Variants in ZWILCH observed in about 807,000 individuals in gnomAD.
ZWILCH encodes the protein protein zwilch homolog.
Under a neutral mutation model 79.9 loss-of-function variants are expected in ZWILCH, and 74 were observed. That is an observed-to-expected ratio of 0.93 (90% CI 0.77 to 1.12). The LOEUF (loss-of-function observed/expected upper bound fraction) is 1.12, where lower values mean the gene tolerates loss of function less well. Ranked by LOEUF, ZWILCH falls within the 50% of genes most tolerant of loss-of-function variation. ZWILCH has a pLI of 0.00. For missense variants in ZWILCH, 694 were observed against 687.5 expected (o/e 1.01, Z -0.11); for synonymous variants, 241 against 228.2 (o/e 1.06, Z -0.51).
At chr15:66,533,539 A>G (rs1005427494) in intron 14 of ZWILCH, among the ~76,000 whole-genome samples, 3 of 152,216 alleles carry the variant, frequency 2.0e-5, no homozygotes, top group Non-Finnish European at 4.4e-5. Flanking sequence ...AAATGAATTT[A>G]TAGTATCAAT....
chr15:66,517,449 T>TAC, intron 4 of ZWILCH, among the ~76,000 whole-genome samples: 1 of 138,022 alleles, frequency 7.2e-6, no homozygotes, highest in Non-Finnish European at 1.6e-5. Flanking sequence ...TATATATATA[T>TAC]ATATATAGTA....
At chr15:66,521,398 A>G (rs909960104) in intron 7 of ZWILCH, among the ~76,000 whole-genome samples, 193 bp downstream of exon 7, 1 of 152,182 alleles carries the variant, frequency 6.6e-6, no homozygotes, top group Non-Finnish European at 1.5e-5. Context: ...GATCTGATCT[A>G]TCAGTTGCCC....
chr15:66,544,725 TGTGTGTGTGTGTG>T (rs1895312061), intron 17 of ZWILCH, among the ~76,000 whole-genome samples: 1 of 10,302 alleles, frequency 9.7e-5, no homozygotes, highest in Non-Finnish European at 1.8e-4. Flanking sequence ...TTTTGGTTTT[TGTGTGTGTGTGTG>T]TGTGTGTGTG....
At chr15:66,540,234 C>T in intron 17 of ZWILCH, 24 bp downstream of exon 17, 1 of 1,544,224 alleles carries the variant, frequency 6.5e-7, no homozygotes, top group Middle Eastern at 1.7e-4. Flanking sequence ...ATAATCTGTT[C>T]AGATAAATAA....
At chr15:66,517,442 A>G (rs899702821) in intron 4 of ZWILCH, among the ~76,000 whole-genome samples, 25 of 118,626 alleles carry the variant, frequency 2.1e-4, no homozygotes, top group East Asian at 1.3e-3. Flanking sequence ...ATATATATAT[A>G]TATATATATA....
intron 1 of ZWILCH, among the ~76,000 whole-genome samples, chr15:66,506,545 T>A (rs1004759411): frequency 6.6e-6 from 1 of 152,110 alleles, no homozygotes; most frequent in Admixed American, 6.5e-5. Flanking sequence ...GGCGGGCACC[T>A]GTAATCCCAG....
intron 4 of ZWILCH, 142 bp downstream of exon 4, chr15:66,515,786 A>G (rs1894229230): frequency 2.9e-6 from 2 of 682,308 alleles, no homozygotes. Flanking sequence ...CCAACTAAGG[A>G]TAGTTCTACT....
intron 8 of ZWILCH, among the ~76,000 whole-genome samples, chr15:66,526,504 G>C (rs1894677720): frequency 1.3e-5 from 2 of 151,648 alleles, no homozygotes; most frequent in African/African-American, 2.4e-5. Flanking sequence ...CTGTCGCCCA[G>C]GCTGCAATGC....
chr15:66,528,153 G>T (rs1894741749), intron 10 of ZWILCH, among the ~76,000 whole-genome samples: 1 of 152,074 alleles, frequency 6.6e-6, no homozygotes, highest in African/African-American at 2.4e-5. Context: ...ACCCAGGCTG[G>T]AATGCAGTGG....
intron 8 of ZWILCH, among the ~76,000 whole-genome samples, chr15:66,525,751 T>TTTTTC: frequency 6.9e-6 from 1 of 144,442 alleles, no homozygotes; most frequent in Non-Finnish European, 1.5e-5. Context: ...TATATTCACA[T>TTTTTC]TTTTCTTTTT....
chr15:66,532,341 T>C lies in ZWILCH; in HGVS notation c.1250T>C (p.Val417Ala). Residue 417 changes from valine to alanine, a missense_variant, in exon 13 of 19, where the codon GTT (valine) becomes GCT (alanine). Coordinates refer to ENST00000307897, the MANE Select transcript of ZWILCH (RefSeq NM_017975.5). Reference sequence around the variant, plus strand: ...GTTTCTCTCAGTGGGACTATTCCAGTTCAAATGCTTTTGGAAATTGGTTTG... The same window carrying C: ...GTTTCTCTCAGTGGGACTATTCCAGCTCAAATGCTTTTGGAAATTGGTTTG... ...DTVSLSGTIP[V>A]QMLLEIGLDK... The C allele has an allele frequency of 6.2e-7, 1 of 1,612,426 alleles. No individual in the cohort carries two copies. Among genetic ancestry groups the C allele is most frequent in the Non-Finnish European group, 8.5e-7 (1 of 1,179,262 alleles).
At chr15:66,508,645 C>T in intron 1 of ZWILCH, 196 bp from the exon 2 acceptor site, 2 of 1,145,608 alleles carry the variant, frequency 1.7e-6, no homozygotes, top group Non-Finnish European at 1.1e-6. Context: ...TTTTTTGGTT[C>T]TCTTTTCTTC....
At chr15:66,546,747 T>G in intron 18 of ZWILCH, 42 bp downstream of exon 18, 1 of 1,111,646 alleles carries the variant, frequency 9.0e-7, no homozygotes, top group African/African-American at 1.6e-5. Flanking sequence ...AAATACTTTG[T>G]AATAAGTACC....
intron 4 of ZWILCH, among the ~76,000 whole-genome samples, chr15:66,518,002 A>C (rs1317958262): frequency 1.3e-5 from 2 of 151,676 alleles, no homozygotes; most frequent in Non-Finnish European, 2.9e-5. Flanking sequence ...AAGTGCTGGG[A>C]TTACAAGCTT....
At chr15:66,506,262 A>G (rs1355715594) in intron 1 of ZWILCH, among the ~76,000 whole-genome samples, 1 of 152,134 alleles carries the variant, frequency 6.6e-6, no homozygotes, top group Non-Finnish European at 1.5e-5. Context: ...AAAGAGCACT[A>G]GCTTTTAAAA....
At chr15:66,544,717 T>TG (rs1895301855) in intron 17 of ZWILCH, among the ~76,000 whole-genome samples, 2 of 104,288 alleles carry the variant, frequency 1.9e-5, no homozygotes, top group African/African-American at 7.4e-5. Flanking sequence ...TGTTGTTTTT[T>TG]TGGTTTTTGT....
chr15:66,521,488 TTTTG>T (rs373626506), intron 7 of ZWILCH, among the ~76,000 whole-genome samples: 2,036 of 152,122 alleles, frequency 0.013, 26 homozygotes, highest in South Asian at 0.043. Context: ...GAATCCGTGT[TTTTG>T]TTTGTTTGTT....
intron 16 of ZWILCH, among the ~76,000 whole-genome samples, chr15:66,537,575 C>T (rs1043322370): frequency 1.3e-5 from 2 of 151,926 alleles, no homozygotes; most frequent in Non-Finnish European, 2.9e-5. Context: ...CCTATAATCC[C>T]AGCTACTCGG....
chr15:66,534,385 A>G (rs1371573236), intron 14 of ZWILCH, among the ~76,000 whole-genome samples: 2 of 152,188 alleles, frequency 1.3e-5, no homozygotes, highest in Non-Finnish European at 2.9e-5. Context: ...CATGGTACCA[A>G]TCCTCCATGG....
Sources: gnomAD v4.1 joint callset for allele counts (sites outside exome capture counted in the v4.1 genomes callset) on GRCh38, gnomAD v4.1.1 for gene constraint, MANE v1.5 for transcripts, NCBI Gene and HGNC (gene_info 2026-07-23, HGNC 2026-07-21) for gene names.